SGCZ: variants seen among roughly 807,000 people sequenced by gnomAD.
SGCZ encodes zeta-sarcoglycan.
In SGCZ, 40 loss-of-function variants were observed where a neutral mutation model predicts 41.3. The observed-to-expected ratio is 0.97, with a 90% CI of 0.75 to 1.26. The LOEUF is 1.26. Ranked by LOEUF, SGCZ falls within the 50% of genes most tolerant of loss-of-function variation. SGCZ has a pLI of 0.00. For synonymous variants in SGCZ, 206 were observed against 137.5 expected (o/e 1.50, Z -3.49); for missense variants, 552 against 369.8 (o/e 1.49, Z -4.04).
At chr8:14,751,218 G>A (rs565921688) in intron 1 of SGCZ, among the ~76,000 whole-genome samples, 48 of 152,212 alleles carry the variant, frequency 3.2e-4, no homozygotes, top group African/African-American at 1.1e-3. Flanking sequence ...GATAAAGATA[G>A]ACACAGTCTC....
At chr8:14,366,309 T>C (rs1211784790) in intron 2 of SGCZ, among the ~76,000 whole-genome samples, 2 of 152,120 alleles carry the variant, frequency 1.3e-5, no homozygotes, top group South Asian at 2.1e-4. Context: ...CAAAGGCCCA[T>C]CATACATGGT....
At chr8:14,334,807 T>A (rs568729448) in intron 2 of SGCZ, among the ~76,000 whole-genome samples, 5 of 152,158 alleles carry the variant, frequency 3.3e-5, no homozygotes, top group African/African-American at 7.2e-5. Context: ...TAAATCTATG[T>A]TTTCTGGAAA....
At chr8:14,773,174 G>A (rs1045146394) in intron 1 of SGCZ, among the ~76,000 whole-genome samples, 19 of 152,214 alleles carry the variant, frequency 1.2e-4, no homozygotes, top group African/African-American at 4.6e-4. Flanking sequence ...TTCTCTGATG[G>A]CCAGGGATGA....
rs73517333 is a variant in SGCZ, at chr8:14,902,716, T to C, written c.39+334869A>G. ...AGATATAAATATCACAAAACAAACA[T>C]GATTTCCTGCAATTTTCTTTACAAT... On this transcript the variant is annotated intron_variant, in intron 1 of 7. Transcript: ENST00000382080. Among the ~76,000 whole-genome samples the C allele has an allele frequency of 1.9e-3, 283 of 152,204 alleles. 2 individuals carry two copies. The highest frequency in any genetic ancestry group is 6.5e-3 in the African/African-American group (270 of 41,548).
At chr8:15,010,792 C>T (rs1802798472) in intron 1 of SGCZ, among the ~76,000 whole-genome samples, 1 of 152,180 alleles carries the variant, frequency 6.6e-6, no homozygotes, top group Non-Finnish European at 1.5e-5. Context: ...CCTTCTGGAT[C>T]TCCTCTCAAG....
At chr8:14,165,738 A>G (rs1804188970) in intron 4 of SGCZ, among the ~76,000 whole-genome samples, 1 of 152,112 alleles carries the variant, frequency 6.6e-6, no homozygotes, top group Non-Finnish European at 1.5e-5. Flanking sequence ...GTCTTTATGT[A>G]TTCACTTTAT....
At chr8:14,735,802 C>T (rs968089245) in intron 1 of SGCZ, among the ~76,000 whole-genome samples, 5 of 151,980 alleles carry the variant, frequency 3.3e-5, no homozygotes, top group African/African-American at 1.2e-4. Flanking sequence ...GTCATGGACA[C>T]ACAAATAATG....
chr8:15,040,513 A>C (rs1804053337), intron 1 of SGCZ, among the ~76,000 whole-genome samples: 1 of 152,096 alleles, frequency 6.6e-6, no homozygotes, highest in African/African-American at 2.4e-5. Context: ...GCTACTCGGG[A>C]GGCTAAGGCA....
chr8:14,377,723 C>A (rs1384184581), intron 2 of SGCZ, among the ~76,000 whole-genome samples: 1 of 150,602 alleles, frequency 6.6e-6, no homozygotes, highest in African/African-American at 2.4e-5. Context: ...TGTTCCCTTT[C>A]CTATGTCCAT....
intron 1 of SGCZ, among the ~76,000 whole-genome samples, chr8:14,870,006 A>C (rs1377719665): frequency 6.6e-6 from 1 of 152,192 alleles, no homozygotes; most frequent in Non-Finnish European, 1.5e-5. Context: ...CATACTGCCA[A>C]AGTAATTTAT....
At chr8:14,529,684 T>G (rs1197324317) in intron 2 of SGCZ, among the ~76,000 whole-genome samples, 2 of 152,110 alleles carry the variant, frequency 1.3e-5, no homozygotes, top group African/African-American at 4.8e-5. Context: ...TTTCATGAGA[T>G]CTGAAGGTTA....
At chr8:15,004,968 T>C (rs1284801011) in intron 1 of SGCZ, among the ~76,000 whole-genome samples, 1 of 152,166 alleles carries the variant, frequency 6.6e-6, no homozygotes, top group Non-Finnish European at 1.5e-5. Flanking sequence ...TATGCATGTA[T>C]TTTTCTAAAT....
intron 3 of SGCZ, among the ~76,000 whole-genome samples, chr8:14,315,017 T>A (rs1801667331): frequency 6.6e-6 from 1 of 152,138 alleles, no homozygotes; most frequent in Non-Finnish European, 1.5e-5. Flanking sequence ...ATAGTGTAAA[T>A]ATTTGCTACG....
chr8:14,729,313 G>C (rs988820409), intron 1 of SGCZ, among the ~76,000 whole-genome samples: 1 of 152,296 alleles, frequency 6.6e-6, no homozygotes, highest in Admixed American at 6.5e-5. Flanking sequence ...GAACCTTTCA[G>C]TGTTTATTCT....
At chr8:14,898,788 A>C (rs1380071798) in intron 1 of SGCZ, among the ~76,000 whole-genome samples, 1 of 152,180 alleles carries the variant, frequency 6.6e-6, no homozygotes, top group Non-Finnish European at 1.5e-5. Context: ...GGAAATATAA[A>C]AGAATAATTC....
chr8:15,211,939 T>C (rs1379162659), intron 1 of SGCZ, among the ~76,000 whole-genome samples: 1 of 152,136 alleles, frequency 6.6e-6, no homozygotes, highest in African/African-American at 2.4e-5. Context: ...AATTCAAAGT[T>C]TAACTTGAAT....
intron 1 of SGCZ, among the ~76,000 whole-genome samples, chr8:15,090,775 T>C (rs1158330525): frequency 1.3e-5 from 2 of 152,152 alleles, no homozygotes; most frequent in Admixed American, 6.6e-5. Context: ...CCATCTCTTA[T>C]CATTTTTGTT....
intron 1 of SGCZ, among the ~76,000 whole-genome samples, chr8:15,130,708 T>G (rs998123731): frequency 6.6e-6 from 1 of 152,170 alleles, no homozygotes; most frequent in African/African-American, 2.4e-5. Flanking sequence ...TCCACCATCA[T>G]CAAATATTGT....
chr8:14,613,423 T>G (rs1805993350), intron 1 of SGCZ, among the ~76,000 whole-genome samples: 1 of 152,152 alleles, frequency 6.6e-6, no homozygotes, highest in African/African-American at 2.4e-5. Context: ...GTCTCTTAGA[T>G]AAAATCTATA....
Sources: allele counts gnomAD v4.1 joint callset (sites outside exome capture counted in the v4.1 genomes callset), GRCh38; gene constraint gnomAD v4.1.1; transcripts MANE v1.5; gene names NCBI Gene and HGNC (gene_info 2026-07-23, HGNC 2026-07-21).